REDIC1: variants seen among roughly 807,000 people sequenced by gnomAD.
The protein encoded by REDIC1 is HEI10 Interacting Protein 1.
chr12:39,693,739 A>G, the REDIC1 span, among the ~76,000 whole-genome samples: 1 of 152,160 alleles, frequency 6.6e-6, no homozygotes, highest in Non-Finnish European at 1.5e-5. Flanking sequence ...TTTTCTTACA[A>G]ATACTGTAAG....
chr12:39,809,262 C>T, the REDIC1 span, among the ~76,000 whole-genome samples: 3 of 152,136 alleles, frequency 2.0e-5, no homozygotes, highest in Non-Finnish European at 4.4e-5. Flanking sequence ...ATTCTGTTCC[C>T]TTGATGTTTA....
At chr12:39,790,425 T>A in the REDIC1 span, among the ~76,000 whole-genome samples, 150 of 143,380 alleles carry the variant, frequency 1.0e-3, 1 homozygote, top group African/African-American at 3.6e-3. Flanking sequence ...TGTGTCCATG[T>A]GATCTCATTG....
chr12:39,743,299 G>A, the REDIC1 span, among the ~76,000 whole-genome samples: 1 of 152,090 alleles, frequency 6.6e-6, no homozygotes, highest in African/African-American at 2.4e-5. Flanking sequence ...AAGCACTTGT[G>A]AAGTTCACAG....
At chr12:39,713,039 A>G in the REDIC1 span, among the ~76,000 whole-genome samples, 1 of 140,266 alleles carries the variant, frequency 7.1e-6, no homozygotes, top group African/African-American at 2.8e-5. Flanking sequence ...ATATGTATAT[A>G]TACATGTGTA....
chr12:39,720,879 AG>A, the REDIC1 span: 1 of 1,613,326 alleles, frequency 6.2e-7, no homozygotes, highest in African/African-American at 1.3e-5. Flanking sequence ...ATTTTTATGT[AG>A]AAAGGATGGC....
the REDIC1 span, among the ~76,000 whole-genome samples, chr12:39,876,049 T>C: frequency 6.6e-6 from 1 of 152,236 alleles, no homozygotes; most frequent in African/African-American, 2.4e-5. Context: ...CAAAGTCATT[T>C]TATAATATCT....
chr12:39,708,573 T>A, the REDIC1 span, among the ~76,000 whole-genome samples: 1 of 151,852 alleles, frequency 6.6e-6, no homozygotes, highest in Non-Finnish European at 1.5e-5. Flanking sequence ...AGTTCTTTAA[T>A]CCATTTGGAG....
chr12:39,748,250 TAAAA>T, the REDIC1 span, among the ~76,000 whole-genome samples: 1 of 151,022 alleles, frequency 6.6e-6, no homozygotes, highest in Non-Finnish European at 1.5e-5. Flanking sequence ...AAATGGAAAA[TAAAA>T]AAAGGCAGGG....
the REDIC1 span, among the ~76,000 whole-genome samples, chr12:39,746,803 C>T: frequency 6.6e-6 from 1 of 152,238 alleles, no homozygotes; most frequent in Non-Finnish European, 1.5e-5. Flanking sequence ...GCTGCTGATA[C>T]CTAGGCAAAC....
At chr12:39,646,818 C>T in the REDIC1 span, 1 of 1,330,260 alleles carries the variant, frequency 7.5e-7, no homozygotes, top group Non-Finnish European at 1.0e-6. Context: ...ATATTTTTAA[C>T]CTAAATTTTT....
chr12:39,872,135 A>G, the REDIC1 span, among the ~76,000 whole-genome samples: 1 of 152,216 alleles, frequency 6.6e-6, no homozygotes, highest in African/African-American at 2.4e-5. Context: ...TATAAAGACT[A>G]TGTTCAAATA....
At chr12:39,674,290 C>G in the REDIC1 span, among the ~76,000 whole-genome samples, 1 of 152,146 alleles carries the variant, frequency 6.6e-6, no homozygotes, top group African/African-American at 2.4e-5. Context: ...AATAACTACT[C>G]TACATTTCTG....
At chr12:39,694,743 G>A in the REDIC1 span, among the ~76,000 whole-genome samples, 12 of 66,658 alleles carry the variant, frequency 1.8e-4, no homozygotes, top group Non-Finnish European at 3.4e-4. Context: ...GGGGTGGCAC[G>A]TGTTCTATTG....
chr12:39,823,902 T>A, the REDIC1 span, among the ~76,000 whole-genome samples: 1 of 152,360 alleles, frequency 6.6e-6, no homozygotes, highest in South Asian at 2.1e-4. Context: ...TTTGTGTTAA[T>A]GTAAATTGCA....
chr12:39,737,672 G>T, the REDIC1 span, among the ~76,000 whole-genome samples: 1 of 152,204 alleles, frequency 6.6e-6, no homozygotes, highest in Non-Finnish European at 1.5e-5. Flanking sequence ...ACAGTCAATA[G>T]TGGAGACAGT....
At chr12:39,664,775 G>T in the REDIC1 span, among the ~76,000 whole-genome samples, 1 of 152,166 alleles carries the variant, frequency 6.6e-6, no homozygotes. Context: ...ATTCTAACTG[G>T]TGTGAGATGG....
chr12:39,895,181 A>G, the REDIC1 span, among the ~76,000 whole-genome samples: 1 of 152,202 alleles, frequency 6.6e-6, no homozygotes, highest in African/African-American at 2.4e-5. Flanking sequence ...AACCCTGAGT[A>G]ACAAGTAGTG....
the REDIC1 span, among the ~76,000 whole-genome samples, chr12:39,743,287 A>G: frequency 6.6e-6 from 1 of 152,130 alleles, no homozygotes; most frequent in Non-Finnish European, 1.5e-5. Flanking sequence ...GAAAAAACTG[A>G]GAAGCACTTG....
At chr12:39,849,896 A>G in the REDIC1 span, among the ~76,000 whole-genome samples, 1 of 152,008 alleles carries the variant, frequency 6.6e-6, no homozygotes, top group Non-Finnish European at 1.5e-5. Context: ...GTTTTTTAAA[A>G]TACTCTTTCA....
Sources: allele counts gnomAD v4.1 joint callset (sites outside exome capture counted in the v4.1 genomes callset), GRCh38; gene constraint gnomAD v4.1.1; transcripts MANE v1.5; gene names NCBI Gene and HGNC (gene_info 2026-07-23, HGNC 2026-07-21).